CHIA: variants seen among roughly 807,000 people sequenced by gnomAD.
The protein encoded by CHIA is chitinase acidic.
In CHIA, 47 loss-of-function variants were observed where a neutral mutation model predicts 53.5. The observed-to-expected ratio is 0.88, with a 90% CI of 0.70 to 1.12. CHIA has a LOEUF of 1.12. CHIA is among the 50% of genes most tolerant of loss of function. The pLI is 0.00. For synonymous variants in CHIA, 268 were observed against 222.2 expected (o/e 1.21, Z -1.83); for missense variants, 652 against 592.2 (o/e 1.10, Z -1.05).
chr1:111,297,901 C>CAAGAAAAAAAAAA (rs1647316182), intron 1 of CHIA, among the ~76,000 whole-genome samples: 1 of 31,854 alleles, frequency 3.1e-5, no homozygotes, highest in Non-Finnish European at 5.0e-5. Context: ...AAATGGAAAG[C>CAAGAAAAAAAAAA]AAAAAAAAAA....
intron 1 of CHIA, among the ~76,000 whole-genome samples, chr1:111,304,922 G>A (rs566662841): frequency 1.3e-5 from 2 of 151,860 alleles, no homozygotes; most frequent in African/African-American, 4.8e-5. Context: ...TTGGTTTCTT[G>A]TCTTTTTTGT....
chr1:111,299,386 C>T (rs752419049), intron 1 of CHIA, among the ~76,000 whole-genome samples: 9 of 152,180 alleles, frequency 5.9e-5, no homozygotes, highest in Non-Finnish European at 8.8e-5. Context: ...AAAGCTTATC[C>T]ACCACGATCA....
At chr1:111,307,779 T>C (rs1338380969) in intron 1 of CHIA, among the ~76,000 whole-genome samples, 1 of 152,022 alleles carries the variant, frequency 6.6e-6, no homozygotes, top group African/African-American at 2.4e-5. Flanking sequence ...GTAGCTGAGA[T>C]TACAGGCACC....
At chr1:111,316,386 G>C (rs747405527) in intron 6 of CHIA, 1 of 153,064 alleles carries the variant, frequency 6.5e-6, no homozygotes, top group Non-Finnish European at 1.5e-5. Flanking sequence ...GGTTATTGCA[G>C]TAAATCAAGC....
rs1319816602 is a variant in CHIA, at chr1:111,292,646, C to T, written c.-69+1696C>T. 2.0e-5 allele frequency among the ~76,000 whole-genome samples: 3 copies of T among 152,126 alleles called. No individual in the cohort carries two copies. The East Asian group carries it at 5.8e-4, about 29-fold the overall frequency. Reference sequence around the variant, plus strand: ...GTGTACAGTTCGGTGGTACTAAATACATTCATAATGTTCTTGAGCCATCTC... The same window carrying T: ...GTGTACAGTTCGGTGGTACTAAATATATTCATAATGTTCTTGAGCCATCTC... On this transcript the variant is annotated intron_variant, in intron 1 of 11. Coordinates refer to ENST00000369740, the MANE Select transcript of CHIA (RefSeq NM_201653.4).
At chr1:111,306,352 G>A (rs933562746) in intron 1 of CHIA, among the ~76,000 whole-genome samples, 1 of 152,156 alleles carries the variant, frequency 6.6e-6, no homozygotes, top group African/African-American at 2.4e-5. Context: ...TTTCAAATTA[G>A]CGTGGAAAAG....
chr1:111,315,301 C>A lies in CHIA; in HGVS notation c.346C>A (p.Arg116Ser). The A allele has an allele frequency of 1.2e-6, 2 of 1,612,752 alleles. No homozygotes were observed. The highest frequency in any genetic ancestry group is 1.7e-6 in the Non-Finnish European group (2 of 1,179,898). The stretch of plus-strand genomic sequence containing the variant: ...TGCCATGGTTTCTACTCCTGAGAAC[C>A]GCCAGACTTTCATCACCTCAGTCAT... ...FTAMVSTPEN[R>S]QTFITSVIKF... The change falls in exon 6 of 12, where the codon CGC becomes AGC. Residue 116 changes from arginine (R) to serine (S), a missense_variant. Coordinates refer to ENST00000369740, the MANE Select transcript of CHIA (RefSeq NM_201653.4).
chr1:111,314,654 T>C (rs41391244), intron 5 of CHIA, 58 bp downstream of exon 5: 290,451 of 1,210,436 alleles, frequency 0.24, 36,125 homozygotes, highest in Non-Finnish European at 0.26. Flanking sequence ...GTTAGCCCCA[T>C]GTGATCACTG....
At chr1:111,292,804 T>C (rs1462046455) in intron 1 of CHIA, among the ~76,000 whole-genome samples, 1 of 152,194 alleles carries the variant, frequency 6.6e-6, no homozygotes, top group African/African-American at 2.4e-5. Flanking sequence ...TGATTTTGAC[T>C]ATTCTAAGTA....
At chr1:111,316,838 G>T (rs1649199995) in intron 6 of CHIA, 1 of 152,204 alleles carries the variant, frequency 6.6e-6, no homozygotes, top group African/African-American at 2.4e-5. Flanking sequence ...TAGGTGAAAA[G>T]TCAATTTACT....
chr1:111,306,660 T>A (rs1392869303), intron 1 of CHIA, among the ~76,000 whole-genome samples: 2 of 151,980 alleles, frequency 1.3e-5, no homozygotes, highest in Non-Finnish European at 2.9e-5. Flanking sequence ...AGTGAAAAAA[T>A]AACCCATAAA....
chr1:111,320,127 C>A, intron 11 of CHIA, 86 bp from the exon 12 acceptor site: 1 of 1,266,886 alleles, frequency 7.9e-7, no homozygotes, highest in Non-Finnish European at 1.1e-6. Context: ...CTCCACACTT[C>A]CACTCCCACA....
chr1:111,303,079 C>T (rs1300357330), intron 1 of CHIA, among the ~76,000 whole-genome samples: 3 of 151,990 alleles, frequency 2.0e-5, no homozygotes, highest in Non-Finnish European at 2.9e-5. Context: ...CTCCTGCTCT[C>T]GTTTGGTTAC....
In CHIA at chr1:111,314,543, C is replaced by G. The variant is rs368828123; in HGVS notation, c.261C>G (p.Asn87Lys). The change falls in exon 5 of 12, where the codon AAC becomes AAG. Residue 87 changes from asparagine (N) to lysine (K), a missense_variant. Asn to Lys is a moderately conservative substitution (Grantham distance 94, BLOSUM62 0). Transcript: ENST00000369740. ...YQAFNGLKNK[N>K]SQLKTLLAIG... The stretch of plus-strand genomic sequence containing the variant: ...GTTTCTATCCTTTGTTTTACAGGAA[C>G]AGCCAGCTGAAAACTCTCCTGGCCA... The G allele has an allele frequency of 1.9e-6, 3 of 1,609,088 alleles. No individual in the cohort carries two copies. The highest frequency in any genetic ancestry group is 4.5e-5 in the East Asian group (2 of 44,854).
At chr1:111,295,895 A>G (rs1661307970) in intron 1 of CHIA, among the ~76,000 whole-genome samples, 1 of 152,250 alleles carries the variant, frequency 6.6e-6, no homozygotes, top group Admixed American at 6.5e-5. Flanking sequence ...CAAATGGTAG[A>G]CCAGGAGATT....
At chr1:111,310,339 A>G in intron 1 of CHIA, 61 bp from the exon 2 acceptor site, 1 of 1,526,418 alleles carries the variant, frequency 6.6e-7, no homozygotes, top group Non-Finnish European at 8.8e-7. Context: ...TGTAGAAGAG[A>G]AGGTCCGTTG....
intron 1 of CHIA, among the ~76,000 whole-genome samples, chr1:111,307,221 G>T (rs1278031303): frequency 1.3e-5 from 2 of 152,136 alleles, no homozygotes; most frequent in Non-Finnish European, 2.9e-5. Flanking sequence ...ACATAAAAAG[G>T]ATAAGTAAAT....
intron 1 of CHIA, among the ~76,000 whole-genome samples, chr1:111,307,760 G>C (rs1571283117): frequency 1.3e-5 from 2 of 151,578 alleles, no homozygotes; most frequent in Admixed American, 6.6e-5. Context: ...TCCTGCCTTA[G>C]CCTCCCAAGT....
rs1648673745 is a variant in CHIA at position 111,311,578 on chromosome 1, A to G, written c.26-111A>G. On this transcript the variant is annotated intron_variant, in intron 2 of 11. Coordinates refer to ENST00000369740, the MANE Select transcript of CHIA (RefSeq NM_201653.4). ...GCCTTTGGAATCACCACCAAATCTCACTGAGGTTGTAACAATTTATGGCAA... is the reference window on the plus strand; with the variant it reads ...GCCTTTGGAATCACCACCAAATCTCGCTGAGGTTGTAACAATTTATGGCAA... 3.2e-6 allele frequency: 4 copies of G among 1,237,896 alleles called. No homozygotes were observed. In the South Asian group the frequency reaches 4.9e-5, roughly 15 times the overall value. The allele number at this position is 1,237,896 out of a possible 1,614,324, so 76.7% of individuals were successfully genotyped here.
Sources: gnomAD v4.1 joint callset for allele counts (sites outside exome capture counted in the v4.1 genomes callset) on GRCh38, gnomAD v4.1.1 for gene constraint, MANE v1.5 for transcripts, NCBI Gene and HGNC (gene_info 2026-07-23, HGNC 2026-07-21) for gene names.